FBN1: variants seen among roughly 807,000 people sequenced by gnomAD.
FBN1 encodes the protein fibrillin 1, also known as fibrillin-1.
In FBN1, 29 loss-of-function variants were observed where a neutral mutation model predicts 365.1. The observed-to-expected ratio is 0.08, with a 90% confidence interval of 0.06 to 0.11. The LOEUF (loss-of-function observed/expected upper bound fraction) is 0.11. FBN1 is among the 10% of genes least tolerant of loss of function. FBN1 has a pLI of 1.00. For synonymous variants in FBN1, 1,210 were observed against 1,270.5 expected, an observed-to-expected ratio of 0.95 and a Z score of 1.01; for missense variants, 2,476 against 3,703.2, an observed-to-expected ratio of 0.67 and a Z score of 8.60.
intron 49 of FBN1, among the ~76,000 whole-genome samples, chr15:48,443,265 T>C (rs2043130279): frequency 6.6e-6 from 1 of 152,154 alleles, no homozygotes; most frequent in Admixed American, 6.6e-5. Context: ...TTTCTTAATA[T>C]AAAAGTTAAC....
In FBN1 at chr15:48,434,664, C is replaced by A; in HGVS notation, c.6546G>T (p.Lys2182Asn). 6.2e-7 allele frequency: 1 copy of A among 1,613,718 alleles called. No homozygotes were observed. The highest frequency in any genetic ancestry group is 8.5e-7 in the Non-Finnish European group (1 of 1,179,672). ...VGNPCGNGTCKNVIGGFECTC... is the reference protein window; with the variant it reads ...VGNPCGNGTCNNVIGGFECTC... ...TGCATTCAAAACCTCCAATCACATT[C>A]TTGCAGGTTCCATTTCCACAAGGAT... Residue 2182 changes from lysine (K) to asparagine (N), a missense_variant, in exon 54 of 66, where the codon AAG becomes AAT. By Grantham distance (94) the Lys-to-Asn change is moderately conservative. This residue lies in a region of FBN1 where 1,780 missense variants were observed against 2,840.8 expected (regional missense o/e 0.63). Transcript: ENST00000316623.
chr15:48,585,373 A>G (rs1445428352), intron 6 of FBN1, among the ~76,000 whole-genome samples: 1 of 152,248 alleles, frequency 6.6e-6, no homozygotes, highest in African/African-American at 2.4e-5. Context: ...AAAGATTATC[A>G]CCGAGGGAAT....
intron 16 of FBN1, among the ~76,000 whole-genome samples, chr15:48,504,740 A>G (rs2043694039): frequency 6.6e-6 from 1 of 152,180 alleles, no homozygotes; most frequent in African/African-American, 2.4e-5. Flanking sequence ...TCAATGACCA[A>G]TATCAACAAA....
chr15:48,641,236 G>A (rs1447493817), intron 2 of FBN1: 2 of 151,950 alleles, frequency 1.3e-5, no homozygotes, highest in East Asian at 3.9e-4. Context: ...CAGAAGCTGG[G>A]AAGAAACTTG....
At chr15:48,593,315 G>C (rs1172359342) in intron 6 of FBN1, among the ~76,000 whole-genome samples, 1 of 152,174 alleles carries the variant, frequency 6.6e-6, no homozygotes, top group Non-Finnish European at 1.5e-5. Context: ...TCTTTATCCT[G>C]AGAAGTACTT....
Position 48,434,650 on chromosome 15 carries a change from C to T in FBN1, c.6560G>A (p.Gly2187Asp), listed in dbSNP as rs2043050989. 3.1e-6 allele frequency: 5 copies of T among 1,613,754 alleles called. No homozygotes were observed. The highest frequency in any genetic ancestry group is 4.2e-6 in the Non-Finnish European group (5 of 1,179,806). Residue 2187 changes from glycine to aspartate, a missense_variant, in exon 54 of 66, where the codon GGT (glycine) becomes GAT (aspartate). Physicochemically the swap from Gly to Asp is moderately conservative, Grantham distance 94 (BLOSUM62 -1). Around this residue, in one of 5 missense-constraint regions of FBN1, gnomAD observed 1,780 missense variants for 2,840.8 expected, o/e 0.63. Coordinates refer to ENST00000316623, the MANE Select transcript of FBN1 (RefSeq NM_000138.5). ...GNGTCKNVIGGFECTCEEGFE... is the reference protein window; with the variant it reads ...GNGTCKNVIGDFECTCEEGFE... Reference sequence around the variant, plus strand: ...TCCCTCCTCGCAGGTGCATTCAAAACCTCCAATCACATTCTTGCAGGTTCC... The same window carrying T: ...TCCCTCCTCGCAGGTGCATTCAAAATCTCCAATCACATTCTTGCAGGTTCC...
chr15:48,428,927 C>T (rs2043004070), intron 56 of FBN1, among the ~76,000 whole-genome samples: 1 of 152,200 alleles, frequency 6.6e-6, no homozygotes, highest in Admixed American at 6.5e-5. Context: ...AAACTCCCCT[C>T]CTGAAAAGCA....
chr15:48,566,580 C>T (rs1457726048), intron 6 of FBN1, among the ~76,000 whole-genome samples: 1 of 152,148 alleles, frequency 6.6e-6, no homozygotes, highest in Non-Finnish European at 1.5e-5. Context: ...ATGTTAAGAA[C>T]TGTTGTAGCA....
At chr15:48,590,417 T>C (rs937408775) in intron 6 of FBN1, among the ~76,000 whole-genome samples, 1 of 152,266 alleles carries the variant, frequency 6.6e-6, no homozygotes, top group Non-Finnish European at 1.5e-5. Flanking sequence ...ACAGTATAGA[T>C]GCTGCCTTTT....
intron 6 of FBN1, among the ~76,000 whole-genome samples, chr15:48,574,875 T>C (rs955680306): frequency 1.3e-5 from 2 of 152,222 alleles, no homozygotes; most frequent in South Asian, 4.1e-4. Flanking sequence ...TAATTTTGAA[T>C]GTTAATTTAA....
At chr15:48,503,024 G>A (rs2043674667) in intron 17 of FBN1, among the ~76,000 whole-genome samples, 2 of 152,004 alleles carry the variant, frequency 1.3e-5, no homozygotes, top group Non-Finnish European at 2.9e-5. Context: ...ACCGGTCCGG[G>A]CGCGGTGGCT....
At chr15:48,481,257 A>G (rs1378031178) in intron 32 of FBN1, among the ~76,000 whole-genome samples, 1 of 152,210 alleles carries the variant, frequency 6.6e-6, no homozygotes. Flanking sequence ...TCCTTTAAAG[A>G]GCAATTCCAG....
Position 48,470,687 on chromosome 15 carries a change from C to G in FBN1, c.4406G>C (p.Arg1469Pro), listed in dbSNP as rs397515808. ...TTCGTAGCCTATCTCACACTCACAGCGGAACAGGCCAGGGAGGTTGTGGCA... is the reference window on the plus strand; with the variant it reads ...TTCGTAGCCTATCTCACACTCACAGGGGAACAGGCCAGGGAGGTTGTGGCA... ...GTCHNLPGLF[R>P]CECEIGYELD... is the part of the protein sequence containing the mutation. The change falls in exon 36 of 66, where the codon CGC becomes CCC. Residue 1469 changes from arginine to proline, a missense_variant. Coordinates refer to ENST00000316623, the MANE Select transcript of FBN1 (RefSeq NM_000138.5). 6.2e-7 allele frequency: 1 copy of G among 1,613,948 alleles called. No homozygotes were observed. Among genetic ancestry groups the G allele is most frequent in the Non-Finnish European group, 8.5e-7 (1 of 1,179,982 alleles).
At chr15:48,467,823 C>T in intron 38 of FBN1, 115 bp downstream of exon 38, 1 of 974,166 alleles carries the variant, frequency 1.0e-6, no homozygotes, top group Non-Finnish European at 1.7e-6. Context: ...CTCTACAGGG[C>T]TGAGAGGACT....
chr15:48,461,804 A>T (rs2043281983), intron 42 of FBN1, among the ~76,000 whole-genome samples: 1 of 152,208 alleles, frequency 6.6e-6, no homozygotes, highest in South Asian at 2.1e-4. Context: ...GAAATAAATT[A>T]GTGAGCTCTA....
chr15:48,489,200 ATTTTTTTTTTTTTT>A (rs756179079), intron 25 of FBN1, among the ~76,000 whole-genome samples: 11 of 48,454 alleles, frequency 2.3e-4, no homozygotes, highest in Non-Finnish European at 3.6e-4. Flanking sequence ...ATGCCTAGAT[ATTTTTTTTTTTTTT>A]TTTTTTTTTT....
intron 47 of FBN1, among the ~76,000 whole-genome samples, chr15:48,445,920 G>T (rs1004741208): frequency 6.6e-6 from 1 of 151,912 alleles, no homozygotes; most frequent in African/African-American, 2.4e-5. Flanking sequence ...AAAGAATTTG[G>T]CTTATTACTC....
intron 6 of FBN1, among the ~76,000 whole-genome samples, chr15:48,555,267 G>A (rs1011134888): frequency 4.6e-5 from 7 of 152,146 alleles, no homozygotes; most frequent in African/African-American, 9.7e-5. Flanking sequence ...ATCGAGGACT[G>A]TGCACAACCC....
At chr15:48,464,596 T>C (rs1226062215) in intron 40 of FBN1, among the ~76,000 whole-genome samples, 1 of 152,156 alleles carries the variant, frequency 6.6e-6, no homozygotes, top group Non-Finnish European at 1.5e-5. Flanking sequence ...AATATAATAA[T>C]GAGTCTCCTA....
Sources: allele counts gnomAD v4.1 joint callset (sites outside exome capture counted in the v4.1 genomes callset), GRCh38; gene constraint gnomAD v4.1.1; regional missense constraint gnomAD v4.1.1; transcripts MANE v1.5; gene names NCBI Gene and HGNC (gene_info 2026-07-23, HGNC 2026-07-21).